OSTM1: variants seen among roughly 807,000 people sequenced by gnomAD.
OSTM1 encodes osteopetrosis-associated transmembrane protein 1.
A neutral mutation model predicts 35.4 loss-of-function variants in OSTM1; 26 were observed. That is an observed-to-expected ratio of 0.73 (90% CI 0.54 to 1.02). The LOEUF is 1.02. Ranked by LOEUF, OSTM1 falls within the 50% of genes least tolerant of loss-of-function variation. The pLI is 0.00. For synonymous variants in OSTM1, 181 were observed against 165.0 expected, an observed-to-expected ratio of 1.10 and a Z score of -0.75; for missense variants, 366 against 409.6, an observed-to-expected ratio of 0.89 and a Z score of 0.92.
In OSTM1 at chr6:108,054,534, T is replaced by G; in HGVS notation, c.571A>C (p.Asn191His). Residue 191 changes from asparagine to histidine, a missense_variant, in exon 3 of 6, where the codon AAT (asparagine) becomes CAT (histidine). Physicochemically the swap from Asn to His is moderately conservative, Grantham distance 68. This residue lies in a region of OSTM1 where 236 missense variants were observed against 239.3 expected (regional missense o/e 0.99). Coordinates refer to ENST00000193322, the MANE Select transcript of OSTM1 (RefSeq NM_014028.4). The stretch of plus-strand genomic sequence containing the variant: ...CAGGTCAGGGTGTGATTAAATAGAT[T>G]AAGGAAATATACTGTGCTGTTTGAT... The part of the protein sequence containing the change: ...ELSNSTVYFL[N>H]LFNHTLTCFE... 3.2e-6 allele frequency: 5 copies of G among 1,573,424 alleles called. No homozygotes were observed. The highest frequency in any genetic ancestry group is 4.4e-6 in the Non-Finnish European group (5 of 1,145,992).
At chr6:108,046,521 A>T (rs1487454551) in intron 5 of OSTM1, among the ~76,000 whole-genome samples, 2 of 145,740 alleles carry the variant, frequency 1.4e-5, no homozygotes, top group African/African-American at 5.2e-5. Flanking sequence ...TTTTTTTTGT[A>T]TTTTTAGTAG....
chr6:108,050,416 T>C (rs1235510701), intron 4 of OSTM1, among the ~76,000 whole-genome samples: 1 of 135,158 alleles, frequency 7.4e-6, no homozygotes, highest in Non-Finnish European at 1.5e-5. Context: ...CAGGCTGGAG[T>C]GCACTGGCAC....
At chr6:108,051,423 T>C (rs1772071726) in intron 3 of OSTM1, among the ~76,000 whole-genome samples, 1 of 152,166 alleles carries the variant, frequency 6.6e-6, no homozygotes, top group Non-Finnish European at 1.5e-5. Flanking sequence ...AGAGACCCGG[T>C]ATGTGAAGCA....
At chr6:108,061,743 A>G (rs1464330856) in intron 2 of OSTM1, among the ~76,000 whole-genome samples, 2 of 151,356 alleles carry the variant, frequency 1.3e-5, no homozygotes, top group African/African-American at 4.9e-5. Flanking sequence ...TCTACAAAAA[A>G]TGTTGCCCAG....
chr6:108,074,601 C>G lies in OSTM1; in HGVS notation c.51G>C (p.Trp17Cys). 1.3e-6 allele frequency: 2 copies of G among 1,565,398 alleles called. No individual in the cohort carries two copies. Among genetic ancestry groups the G allele is most frequent in the Middle Eastern group, 1.8e-4 (1 of 5,530 alleles). The change falls in exon 1 of 6, where the codon TGG becomes TGC. Residue 17 changes from tryptophan to cysteine, a missense_variant. This residue lies in a region of OSTM1 where 236 missense variants were observed against 239.3 expected (regional missense o/e 0.99). Transcript: ENST00000193322. Reference protein sequence around the residue: ...AAQRRCSLPPWLPLGLLLWSG... With the variant: ...AAQRRCSLPPCLPLGLLLWSG... ...ACCACAGCAGCAGCCCCAGCGGCAG[C>G]CACGGCGGCAACGAACACCTCCGCT...
At chr6:108,068,305 G>A (rs762270933) in intron 1 of OSTM1, among the ~76,000 whole-genome samples, 13 of 151,930 alleles carry the variant, frequency 8.6e-5, no homozygotes, top group African/African-American at 2.9e-4. Flanking sequence ...TTTTTATGCC[G>A]ACACTCCCAA....
chr6:108,074,265 G>A lies in OSTM1; in HGVS notation c.387C>T (p.Ile129=), dbSNP rs771510081. Reference sequence around the variant, plus strand: ...CTGTACCCACCCCCGCGGCTCGGCTGATGTTGTCCATCTTGCTGACGACCT... The same window carrying A: ...CTGTACCCACCCCCGCGGCTCGGCTAATGTTGTCCATCTTGCTGACGACCT... ...FQQVVSKMDN[I]SRAAGNTSES... The change falls in exon 1 of 6, where the codon ATC becomes ATT. Residue 129 remains isoleucine, a synonymous_variant. Transcript: ENST00000193322. 12 of 1,612,372 alleles carry A rather than the reference G, an allele frequency of 7.4e-6. No homozygotes were observed. Among genetic ancestry groups the A allele is most frequent in the Middle Eastern group, 1.6e-4 (1 of 6,062 alleles).
intron 3 of OSTM1, among the ~76,000 whole-genome samples, chr6:108,052,490 C>G (rs902195729): frequency 2.1e-5 from 3 of 143,380 alleles, no homozygotes; most frequent in Non-Finnish European, 4.5e-5. Context: ...TGCACATAAT[C>G]TAGATGGGGA....
Position 108,074,635 on chromosome 6 carries a change from G to C in OSTM1, c.17C>G (p.Thr6Arg). 1 of 1,552,518 alleles carries C rather than the reference G, an allele frequency of 6.4e-7. No individual in the cohort carries two copies. Among genetic ancestry groups the C allele is most frequent in the Non-Finnish European group, 8.6e-7 (1 of 1,156,110 alleles). ...CAACGAACACCTCCGCTGCGCGGCT[G>C]TCGGGCCCGGCTCCATCACCGGGCT... MEPGP[T>R]AAQRRCSLPP... Residue 6 changes from threonine to arginine, a missense_variant, in exon 1 of 6, where the codon ACA becomes AGA. Transcript: ENST00000193322.
intron 1 of OSTM1, among the ~76,000 whole-genome samples, chr6:108,067,710 G>A (rs997167277): frequency 4.6e-5 from 7 of 151,214 alleles, no homozygotes; most frequent in African/African-American, 1.7e-4. Flanking sequence ...CACACCCATA[G>A]TCCCAGCTAC....
intron 5 of OSTM1, among the ~76,000 whole-genome samples, chr6:108,048,680 G>A (rs1772022970): frequency 6.7e-6 from 1 of 150,178 alleles, no homozygotes; most frequent in African/African-American, 2.5e-5. Flanking sequence ...TTCTTCTGTT[G>A]TTGCCAACCT....
intron 1 of OSTM1, among the ~76,000 whole-genome samples, chr6:108,068,642 G>A (rs886146294): frequency 1.3e-5 from 2 of 151,838 alleles, no homozygotes; most frequent in Admixed American, 6.6e-5. Flanking sequence ...ACATAGCCTA[G>A]ACACCACTGT....
intron 3 of OSTM1, among the ~76,000 whole-genome samples, chr6:108,052,162 C>T (rs1989193): frequency 0.091 from 13,876 of 152,038 alleles, 1,125 homozygotes; most frequent in Admixed American, 0.21. Flanking sequence ...GGGCTGGGCG[C>T]GATGGTTCAC....
chr6:108,064,151 A>G (rs1286764577), intron 2 of OSTM1, 34 bp downstream of exon 2: 10 of 1,082,468 alleles, frequency 9.2e-6, no homozygotes, highest in Non-Finnish European at 1.4e-5. Flanking sequence ...CTACTGAACC[A>G]TAACTGCAAC....
At position 108,043,655 on chromosome 6, in the gene OSTM1, A is replaced by G. The variant is rs1188422419; in HGVS notation, c.*1130T>C. 1 of 152,222 alleles carries G rather than the reference A, an allele frequency of 6.6e-6. No individual in the cohort carries two copies. Among genetic ancestry groups the G allele is most frequent in the Non-Finnish European group, 1.5e-5 (1 of 68,030 alleles). 9.4% of individuals were successfully genotyped at this position (152,222 alleles called of 1,614,324 possible). A position where few individuals can be genotyped will look rare whatever the true frequency, so the allele number is the denominator to read the frequency against. ...GTTTTTTCTAAAGGCTAATACAAAC[A>G]TACCAAAATAGAATTTCTGAGCACG... On this transcript the variant is annotated 3_prime_UTR_variant, in exon 6 of 6. Coordinates refer to ENST00000193322, the MANE Select transcript of OSTM1 (RefSeq NM_014028.4).
chr6:108,071,049 G>A (rs1341501337), intron 1 of OSTM1, among the ~76,000 whole-genome samples: 12 of 151,562 alleles, frequency 7.9e-5, no homozygotes, highest in East Asian at 2.0e-4. Flanking sequence ...TCAGCCGGGC[G>A]TGGTGGCGGG....
At chr6:108,073,107 G>A (rs185742991) in intron 1 of OSTM1, among the ~76,000 whole-genome samples, 4 of 152,202 alleles carry the variant, frequency 2.6e-5, no homozygotes. Flanking sequence ...ACCGCACACA[G>A]CCATGACAGA....
rs949802250 is a variant in OSTM1 at position 108,070,804 on chromosome 6, C to T, written c.402+3446G>A. On this transcript the variant is annotated intron_variant, in intron 1 of 5. Transcript: ENST00000193322. ...ACTTGGGAGGCTGAGGCAGGAGAAT[C>T]GCTTGAACCTGGGAGGCGAAGGTTG... 8.5e-5 allele frequency among the ~76,000 whole-genome samples: 12 copies of T among 140,902 alleles called. No individual in the cohort carries two copies. The South Asian group carries it at 9.3e-4, about 11-fold the overall frequency. 92.4% of individuals were successfully genotyped at this position (140,902 alleles called of 152,430 possible). A position where few individuals can be genotyped will look rare whatever the true frequency, so the allele number is the denominator to read the frequency against.
chr6:108,046,419 G>T (rs1422436249), intron 5 of OSTM1, among the ~76,000 whole-genome samples: 1 of 148,750 alleles, frequency 6.7e-6, no homozygotes, highest in Non-Finnish European at 1.5e-5. Flanking sequence ...TCAGCTCACT[G>T]CAACCTCTGC....
Sources: gnomAD v4.1 joint callset for allele counts (sites outside exome capture counted in the v4.1 genomes callset) on GRCh38, gnomAD v4.1.1 for gene constraint, gnomAD v4.1.1 regional missense constraint, MANE v1.5 for transcripts, NCBI Gene and HGNC (gene_info 2026-07-23, HGNC 2026-07-21) for gene names.